MGAT5: variants seen among roughly 807,000 people sequenced by gnomAD.
MGAT5 encodes the protein alpha-1,6-mannosylglycoprotein 6-beta-N-acetylglucosaminyltransferase.
A neutral mutation model predicts 94.3 loss-of-function variants in MGAT5; 30 were observed. The ratio of observed to expected loss-of-function variants is 0.32; its 90% confidence interval spans 0.24 to 0.43. The LOEUF (loss-of-function observed/expected upper bound fraction) is 0.43, where lower values mean the gene tolerates loss of function less well. MGAT5 is among the 20% of genes least tolerant of loss of function. The pLI is 1.00. For synonymous variants in MGAT5, 310 were observed against 322.9 expected (o/e 0.96, Z 0.43); for missense variants, 691 against 905.5 (o/e 0.76, Z 3.04).
chr2:134,249,987 A>G (rs565614960), upstream of MGAT5, among the ~76,000 whole-genome samples: 11 of 152,148 alleles, frequency 7.2e-5, 1 homozygote, highest in South Asian at 2.3e-3. Flanking sequence ...TTTGATTTGC[A>G]TTTCCTCTAA....
chr2:134,166,851 T>C (rs1252032082), intron 1 of MGAT5, among the ~76,000 whole-genome samples: 2 of 152,240 alleles, frequency 1.3e-5, no homozygotes, highest in African/African-American at 4.8e-5. Flanking sequence ...TTAAATCAAC[T>C]GTTTTTTTTC....
chr2:134,333,186 A>T (rs1247536267), intron 4 of MGAT5, among the ~76,000 whole-genome samples: 1 of 152,114 alleles, frequency 6.6e-6, no homozygotes, highest in South Asian at 2.1e-4. Context: ...AACCAACCCA[A>T]ATGTCCAACA....
At chr2:134,205,186 G>C (rs1679969449) in intron 1 of MGAT5, among the ~76,000 whole-genome samples, 1 of 152,182 alleles carries the variant, frequency 6.6e-6, no homozygotes, top group Admixed American at 6.5e-5. Flanking sequence ...GGTCCAGTTT[G>C]GAGTTTGCTT....
intron 1 of MGAT5, among the ~76,000 whole-genome samples, chr2:134,221,590 C>G (rs1356511157): frequency 2.6e-5 from 4 of 152,138 alleles, no homozygotes; most frequent in Non-Finnish European, 5.9e-5. Flanking sequence ...AGGGGATTCT[C>G]TATAGAATGT....
chr2:134,122,555 G>T (rs1685662599), intron 1 of MGAT5, among the ~76,000 whole-genome samples: 2 of 152,316 alleles, frequency 1.3e-5, no homozygotes, highest in African/African-American at 4.8e-5. Context: ...CAAGGTGATG[G>T]AGGAGGGGCA....
At chr2:134,406,073 A>G (rs995499866) in intron 11 of MGAT5, among the ~76,000 whole-genome samples, 1 of 152,246 alleles carries the variant, frequency 6.6e-6, no homozygotes, top group South Asian at 2.1e-4. Context: ...CCAGCAAATC[A>G]GGACTCACTA....
At chr2:134,207,482 A>G (rs562079711) in intron 1 of MGAT5, among the ~76,000 whole-genome samples, 14 of 152,016 alleles carry the variant, frequency 9.2e-5, no homozygotes, top group Non-Finnish European at 1.3e-4. Flanking sequence ...TCTTCTTCCA[A>G]TTGCCTGAGC....
chr2:134,358,634 A>G (rs1679900607), intron 9 of MGAT5, among the ~76,000 whole-genome samples: 2 of 152,216 alleles, frequency 1.3e-5, no homozygotes, highest in African/African-American at 4.8e-5. Context: ...AGATGTGAAG[A>G]TACATTACAT....
intron 4 of MGAT5, among the ~76,000 whole-genome samples, chr2:134,325,524 T>C (rs1687591897): frequency 6.6e-6 from 1 of 152,090 alleles, no homozygotes; most frequent in East Asian, 1.9e-4. Flanking sequence ...TTAGGACAAA[T>C]CTCAAGCATC....
Position 134,240,598 on chromosome 2 carries a change from A to G in MGAT5, c.-142-13664A>G, listed in dbSNP as rs556042568. Among the ~76,000 whole-genome samples, 8 of 152,314 alleles carry G rather than the reference A, an allele frequency of 5.3e-5. No individual in the cohort carries two copies. The East Asian group carries it at 1.4e-3, about 26-fold the overall frequency. ...ATGTTCTTAATGGAGTGTTGTTTAA[A>G]GACAGGATGCATTAGGAAAAGTTAA... On this transcript the variant is annotated intron_variant, in intron 1 of 16. Coordinates refer to the MGAT5 transcript ENST00000409645.
At chr2:134,251,772 T>TA (rs1236895830), upstream of MGAT5, among the ~76,000 whole-genome samples, 1 of 152,212 alleles carries the variant, frequency 6.6e-6, no homozygotes, top group East Asian at 1.9e-4. Context: ...TGAGAACACT[T>TA]AAAATTGTCT....
At chr2:134,403,738 T>A (rs974599608) in intron 11 of MGAT5, among the ~76,000 whole-genome samples, 1 of 152,080 alleles carries the variant, frequency 6.6e-6, no homozygotes, top group Non-Finnish European at 1.5e-5. Flanking sequence ...AGGTGGCATA[T>A]TCAGGAAAGA....
rs1032166571 is a variant in MGAT5, at chr2:134,120,667, C to A, written c.-143+376C>A. ...GCTGGAGGCGAGCGGCGGGGGATGGCAGATGGGCGCTCGGACCGCGGAGGA... is the reference window on the plus strand; with the variant it reads ...GCTGGAGGCGAGCGGCGGGGGATGGAAGATGGGCGCTCGGACCGCGGAGGA... On this transcript the variant is annotated intron_variant, in intron 1 of 16. Transcript: ENST00000409645. Among the ~76,000 whole-genome samples, 4 of 151,814 alleles carry A rather than the reference C, an allele frequency of 2.6e-5. No individual in the cohort carries two copies. The East Asian group carries it at 5.9e-4, about 22-fold the overall frequency.
intron 1 of MGAT5, among the ~76,000 whole-genome samples, chr2:134,203,375 G>A (rs1242307145): frequency 6.6e-6 from 1 of 152,120 alleles, no homozygotes; most frequent in Non-Finnish European, 1.5e-5. Context: ...TGCAGTTAGT[G>A]GGTCCAAGGA....
At chr2:134,147,091 TCG>T (rs1686954483) in intron 1 of MGAT5, among the ~76,000 whole-genome samples, 1 of 151,492 alleles carries the variant, frequency 6.6e-6, no homozygotes, top group Admixed American at 6.7e-5. Flanking sequence ...CTGCTCTCTC[TCG>T]CTCTCTTTCT....
intron 4 of MGAT5, chr2:134,319,762 G>A (rs772885043): frequency 1.7e-5 from 7 of 422,410 alleles, no homozygotes; most frequent in African/African-American, 4.1e-5. Context: ...AGCTATTTTT[G>A]GAATTCTCCC....
intron 12 of MGAT5, among the ~76,000 whole-genome samples, chr2:134,415,702 T>G (rs895556226): frequency 7.9e-5 from 12 of 152,188 alleles, no homozygotes; most frequent in African/African-American, 2.7e-4. Context: ...CCCAGACTAG[T>G]GTCAAGAAGC....
intron 10 of MGAT5, among the ~76,000 whole-genome samples, chr2:134,380,379 A>G (rs1299453331): frequency 6.6e-6 from 1 of 152,218 alleles, no homozygotes; most frequent in Non-Finnish European, 1.5e-5. Context: ...TTTAACGGAA[A>G]ACAGTGGTGT....
chr2:134,137,797 G>C (rs1349020133), intron 1 of MGAT5, among the ~76,000 whole-genome samples: 1 of 151,238 alleles, frequency 6.6e-6, no homozygotes, highest in Admixed American at 6.6e-5. Flanking sequence ...TATTGAGGCA[G>C]TTACATTACA....
Sources: allele counts gnomAD v4.1 joint callset (sites outside exome capture counted in the v4.1 genomes callset), GRCh38; gene constraint gnomAD v4.1.1; transcripts MANE v1.5; gene names NCBI Gene and HGNC (gene_info 2026-07-23, HGNC 2026-07-21).